Variants in KATNBL1 observed in about 807,000 individuals in gnomAD.
KATNBL1 encodes KATNB1-like protein 1.
In KATNBL1, 28 loss-of-function variants were observed where a neutral mutation model predicts 44.7. That is an observed-to-expected ratio of 0.63 (90% CI 0.46 to 0.86). The LOEUF (loss-of-function observed/expected upper bound fraction) is 0.86, where lower values mean the gene tolerates loss of function less well. Ranked by LOEUF, KATNBL1 falls within the 40% of genes least tolerant of loss-of-function variation. The pLI is 0.00. For synonymous variants in KATNBL1, 78 were observed against 114.9 expected, an observed-to-expected ratio of 0.68 and a Z score of 2.06; for missense variants, 272 against 350.7, an observed-to-expected ratio of 0.78 and a Z score of 1.79.
At chr15:34,186,092 C>G (rs1202135678) in intron 1 of KATNBL1, among the ~76,000 whole-genome samples, 2 of 152,180 alleles carry the variant, frequency 1.3e-5, no homozygotes, top group Non-Finnish European at 2.9e-5. Context: ...CAGTACCCTC[C>G]TTTCTATTTA....
In KATNBL1 at chr15:34,142,189, T is replaced by TA; in HGVS notation, c.*149dup. The TA allele has an allele frequency of 1.5e-6, 1 of 655,426 alleles. No individual in the cohort carries two copies. The highest frequency in any genetic ancestry group is 2.3e-6 in the Non-Finnish European group (1 of 433,002). 40.6% of individuals were successfully genotyped at this position (655,426 alleles called of 1,614,324 possible). On this transcript the variant is annotated 3_prime_UTR_variant, in exon 10 of 10. Coordinates refer to ENST00000256544, the MANE Select transcript of KATNBL1 (RefSeq NM_024713.3). Reference sequence around the variant, plus strand: ...GTGAAGCAGATTGCTGGGATTTCATTAGTGGTTTCATTACGTGGCTTTTTA... The same window carrying TA: ...GTGAAGCAGATTGCTGGGATTTCATTAAGTGGTTTCATTACGTGGCTTTTTA...
intron 1 of KATNBL1, among the ~76,000 whole-genome samples, chr15:34,190,003 G>C (rs1000981440): frequency 2.0e-5 from 3 of 151,184 alleles, no homozygotes; most frequent in African/African-American, 7.3e-5. Flanking sequence ...GGAGTGCAGT[G>C]GCACGATCTC....
rs545804073 is a variant in KATNBL1, at chr15:34,163,272, G to A, written c.117+288C>T. 2.0e-5 allele frequency among the ~76,000 whole-genome samples: 3 copies of A among 152,014 alleles called. No homozygotes were observed. In the East Asian group the frequency reaches 5.8e-4, roughly 30 times the overall value. On this transcript the variant is annotated intron_variant, in intron 2 of 9. Transcript: ENST00000256544. ...TTGGCCAGGCTAGTCTTGAACTCCT[G>A]ACCTCAGGTGATCCACCCACCTCGG...
intron 1 of KATNBL1, among the ~76,000 whole-genome samples, chr15:34,194,215 T>C (rs1229598772): frequency 6.6e-6 from 1 of 152,188 alleles, no homozygotes; most frequent in Non-Finnish European, 1.5e-5. Context: ...GGTGGGATTA[T>C]AGGCGTGAGC....
intron 1 of KATNBL1, chr15:34,199,581 C>T (rs184557096): frequency 2.1e-4 from 32 of 152,384 alleles, no homozygotes; most frequent in African/African-American, 7.5e-4. Context: ...TTGCTGACCT[C>T]AAGAATGAAG....
chr15:34,190,289 C>G (rs980182100), intron 1 of KATNBL1, among the ~76,000 whole-genome samples: 2 of 151,742 alleles, frequency 1.3e-5, no homozygotes, highest in African/African-American at 4.8e-5. Flanking sequence ...CTAGTGGGGA[C>G]GAATAACAAG....
At chr15:34,145,038 AT>A in intron 9 of KATNBL1, 1 of 995,496 alleles carries the variant, frequency 1.0e-6, no homozygotes, top group South Asian at 4.2e-5. Flanking sequence ...CTCCAAAACC[AT>A]TTAATTATGT....
At chr15:34,145,116 A>T in intron 9 of KATNBL1, 1 of 1,118,052 alleles carries the variant, frequency 8.9e-7, no homozygotes, top group Non-Finnish European at 1.1e-6. Flanking sequence ...GATTCTCAAA[A>T]TTTTTTCAAA....
chr15:34,205,214 G>C (rs998473221), intron 1 of KATNBL1, among the ~76,000 whole-genome samples: 7 of 152,006 alleles, frequency 4.6e-5, no homozygotes, highest in South Asian at 2.1e-4. Flanking sequence ...GGATGGTCTC[G>C]ATCTCTCGAC....
intron 4 of KATNBL1, among the ~76,000 whole-genome samples, chr15:34,151,436 CTTTTTTTTTTTTTTTTTT>C (rs58824450): frequency 6.6e-5 from 4 of 60,678 alleles, no homozygotes; most frequent in Non-Finnish European, 8.8e-5. Context: ...CCTTTGCCTA[CTTTTTTTTTTTTTTTTTT>C]TTTTTTTTTT....
intron 1 of KATNBL1, among the ~76,000 whole-genome samples, chr15:34,192,034 G>C (rs143153108): frequency 1.3e-5 from 2 of 151,374 alleles, no homozygotes; most frequent in African/African-American, 4.9e-5. Flanking sequence ...GAGTATCAAC[G>C]AAGTAAGATA....
intron 1 of KATNBL1, among the ~76,000 whole-genome samples, chr15:34,181,852 AG>A (rs11327232): frequency 0.16 from 2,374 of 14,812 alleles, 870 homozygotes; most frequent in South Asian, 0.31. Context: ...ACATATATAT[AG>A]TCCATATATA....
At chr15:34,163,419 T>TGAAA (rs1295802960) in intron 2 of KATNBL1, 141 bp downstream of exon 2, 1 of 953,524 alleles carries the variant, frequency 1.0e-6, no homozygotes, top group East Asian at 3.0e-5. Flanking sequence ...AATACATTGG[T>TGAAA]TATATTTCAC....
At chr15:34,209,733 C>CGCGG (rs1890384056) in intron 1 of KATNBL1, 1 of 151,928 alleles carries the variant, frequency 6.6e-6, no homozygotes, top group South Asian at 2.1e-4. Context: ...CCCCAGCGCC[C>CGCGG]GCTGCCCGAC....
At chr15:34,149,718 C>T (rs1041069462) in intron 4 of KATNBL1, among the ~76,000 whole-genome samples, 1 of 152,220 alleles carries the variant, frequency 6.6e-6, no homozygotes, top group Non-Finnish European at 1.5e-5. Context: ...GCCGCCACAC[C>T]AAGCCCAACT....
chr15:34,158,403 C>G (rs1480833995), intron 2 of KATNBL1, among the ~76,000 whole-genome samples: 2 of 152,150 alleles, frequency 1.3e-5, no homozygotes, highest in African/African-American at 4.8e-5. Context: ...GGGAAGAAGG[C>G]AAGGGGTTAA....
At chr15:34,164,621 T>C (rs1176350717) in intron 1 of KATNBL1, among the ~76,000 whole-genome samples, 1 of 152,234 alleles carries the variant, frequency 6.6e-6, no homozygotes, top group Non-Finnish European at 1.5e-5. Flanking sequence ...TTAATTTATA[T>C]AACAGAAGAA....
intron 3 of KATNBL1, among the ~76,000 whole-genome samples, chr15:34,153,575 ATT>A (rs902893247): frequency 1.4e-5 from 2 of 146,968 alleles, no homozygotes; most frequent in Non-Finnish European, 3.0e-5. Context: ...TGACTCAAAA[ATT>A]TTTTTTTTTT....
intron 1 of KATNBL1, among the ~76,000 whole-genome samples, chr15:34,201,727 C>T (rs1890179694): frequency 6.6e-6 from 1 of 152,120 alleles, no homozygotes; most frequent in South Asian, 2.1e-4. Flanking sequence ...ATACTTGATT[C>T]TGTTTTAATT....
Sources: allele counts gnomAD v4.1 joint callset (sites outside exome capture counted in the v4.1 genomes callset), GRCh38; gene constraint gnomAD v4.1.1; transcripts MANE v1.5; gene names NCBI Gene and HGNC (gene_info 2026-07-23, HGNC 2026-07-21).